Variants in FAAH2 observed in about 807,000 individuals in gnomAD.
The protein encoded by FAAH2 is fatty-acid amide hydrolase 2.
In FAAH2, 60 loss-of-function variants were observed where a neutral mutation model predicts 36.9. The ratio of observed to expected loss-of-function variants is 1.63; its 90% CI spans 1.32 to 2.02. The LOEUF (loss-of-function observed/expected upper bound fraction) is 2.02. Among genes scored for constraint, FAAH2 ranks in the 30% most tolerant of loss-of-function variants. The probability of loss-of-function intolerance (pLI) is 0.00; values close to 1 mark genes in which losing one functional copy is unlikely to be tolerated. For missense variants in FAAH2, 689 were observed against 397.5 expected, an observed-to-expected ratio of 1.73 and a Z score of -6.23; for synonymous variants, 214 against 143.8, an observed-to-expected ratio of 1.49 and a Z score of -3.49.
At chrX:57,204,320 C>T in the FAAH2 span, among the ~76,000 whole-genome samples, 3 of 111,019 alleles carry the variant, frequency 2.7e-5, no homozygotes, top group Non-Finnish European at 5.7e-5. Context: ...AGAGTGATTG[C>T]ATCCTGGCAT....
chrX:57,273,596 G>A, the FAAH2 span, among the ~76,000 whole-genome samples: 3 of 111,798 alleles, frequency 2.7e-5, no homozygotes, highest in African/African-American at 9.8e-5. Flanking sequence ...TAGAACTCAG[G>A]ATAAAGAAAC....
At chrX:57,445,465 G>T (rs1370657270) in intron 8 of FAAH2, among the ~76,000 whole-genome samples, 1 of 111,313 alleles carries the variant, frequency 9.0e-6, no homozygotes, top group African/African-American at 3.3e-5. Context: ...ACAGTACGGG[G>T]TCTCATCCAA....
At chrX:57,418,249 C>T (rs1374175414) in intron 7 of FAAH2, among the ~76,000 whole-genome samples, 1 of 110,955 alleles carries the variant, frequency 9.0e-6, no homozygotes, top group African/African-American at 3.3e-5. Flanking sequence ...GTTCTGTTTT[C>T]CTAGTGTTCC....
At chrX:57,278,495 A>G in the FAAH2 span, among the ~76,000 whole-genome samples, 103 of 111,893 alleles carry the variant, frequency 9.2e-4, no homozygotes, top group African/African-American at 3.2e-3. Flanking sequence ...AAACCTAGGC[A>G]ATACCATTCA....
chrX:57,377,266 T>C lies in FAAH2; in HGVS notation c.743-1385T>C, dbSNP rs2054707624. 5.3e-5 allele frequency among the ~76,000 whole-genome samples: 6 copies of C among 112,366 alleles called. No individual in the cohort carries two copies. The Admixed American group carries it at 5.7e-4, about 11-fold the overall frequency. On this transcript the variant is annotated intron_variant, in intron 5 of 10. Coordinates refer to ENST00000374900, the MANE Select transcript of FAAH2 (RefSeq NM_174912.4). ...TATTGCCCAGGTTTTCTTCCAGGATTTTTATGGTTTTAGGTCTTACATTTA... is the reference window on the plus strand; with the variant it reads ...TATTGCCCAGGTTTTCTTCCAGGATCTTTATGGTTTTAGGTCTTACATTTA...
chrX:57,160,913 G>C, the FAAH2 span, among the ~76,000 whole-genome samples: 8 of 111,783 alleles, frequency 7.2e-5, no homozygotes, highest in Admixed American at 7.6e-4. Context: ...TTTTGAATGT[G>C]TTTGCTCTTG....
chrX:57,146,625 G>A, the FAAH2 span, among the ~76,000 whole-genome samples: 1 of 111,735 alleles, frequency 8.9e-6, no homozygotes, highest in Non-Finnish European at 1.9e-5. Context: ...GTGAGAGTGG[G>A]CATCCTTGTC....
At chrX:57,394,549 C>T in intron 7 of FAAH2, 1 of 1,208,054 alleles carries the variant, frequency 8.3e-7, no homozygotes, top group Non-Finnish European at 1.1e-6. Flanking sequence ...ACTTTCCTGG[C>T]TTAAATTTCT....
intron 7 of FAAH2, among the ~76,000 whole-genome samples, chrX:57,399,555 G>A (rs948042083): frequency 2.7e-5 from 3 of 111,426 alleles, no homozygotes; most frequent in Non-Finnish European, 5.7e-5. Context: ...TCTTATGGAG[G>A]GTCCTGCCTT....
chrX:57,348,167 G>A (rs752996926), intron 5 of FAAH2, among the ~76,000 whole-genome samples: 3 of 110,009 alleles, frequency 2.7e-5, no homozygotes, highest in Non-Finnish European at 5.7e-5. Context: ...TGCATGGTTC[G>A]GGATCCTGCA....
chrX:57,140,417 C>CAA, the FAAH2 span, among the ~76,000 whole-genome samples: 2,818 of 64,735 alleles, frequency 0.044, 76 homozygotes, highest in African/African-American at 0.07. Flanking sequence ...CCATCTCTAC[C>CAA]AAAAAAAAAA....
chrX:57,400,610 T>G (rs1416634921), intron 7 of FAAH2, among the ~76,000 whole-genome samples: 1 of 112,237 alleles, frequency 8.9e-6, no homozygotes, highest in Admixed American at 9.4e-5. Flanking sequence ...TCACTGTACC[T>G]GGGAATCCAT....
chrX:57,208,825 C>T, the FAAH2 span, among the ~76,000 whole-genome samples: 1 of 112,084 alleles, frequency 8.9e-6, no homozygotes, highest in Non-Finnish European at 1.9e-5. Flanking sequence ...AGCAGGAACA[C>T]GTTCTTAGGG....
the FAAH2 span, among the ~76,000 whole-genome samples, chrX:57,177,577 A>AATAT: frequency 8.2e-3 from 284 of 34,757 alleles, 2 homozygotes; most frequent in Middle Eastern, 0.023. Flanking sequence ...TCAAAATTTA[A>AATAT]ATATATATAT....
the FAAH2 span, among the ~76,000 whole-genome samples, chrX:57,249,047 T>C: frequency 9.0e-6 from 1 of 110,914 alleles, no homozygotes; most frequent in East Asian, 2.8e-4. Context: ...AGTGCTTTTG[T>C]GATGTAGTTT....
intron 10 of FAAH2, among the ~76,000 whole-genome samples, chrX:57,476,527 G>A (rs573808345): frequency 6.3e-5 from 7 of 111,298 alleles, no homozygotes; most frequent in South Asian, 7.6e-4. Flanking sequence ...TGCATCCCAG[G>A]GATGAAGCCG....
At chrX:57,200,175 C>CT in the FAAH2 span, among the ~76,000 whole-genome samples, 7 of 107,260 alleles carry the variant, frequency 6.5e-5, no homozygotes, top group East Asian at 2.9e-4. Flanking sequence ...TTTTTCCTGC[C>CT]TTTTTTTTAA....
At chrX:57,140,887 T>G in the FAAH2 span, among the ~76,000 whole-genome samples, 1 of 111,614 alleles carries the variant, frequency 9.0e-6, no homozygotes, top group Non-Finnish European at 1.9e-5. Flanking sequence ...TGTTAGCTAT[T>G]TGGGTGATGG....
intron 7 of FAAH2, among the ~76,000 whole-genome samples, chrX:57,415,530 C>G (rs1472269331): frequency 8.9e-6 from 1 of 111,770 alleles, no homozygotes; most frequent in Non-Finnish European, 1.9e-5. Context: ...TGTACTTTTG[C>G]AGTTTTGAGT....
Sources: gnomAD v4.1 joint callset for allele counts (sites outside exome capture counted in the v4.1 genomes callset) on GRCh38, gnomAD v4.1.1 for gene constraint, MANE v1.5 for transcripts, NCBI Gene and HGNC (gene_info 2026-07-23, HGNC 2026-07-21) for gene names.